IL1RAPL1: variants seen among roughly 807,000 people sequenced by gnomAD.
The protein encoded by IL1RAPL1 is interleukin 1 receptor accessory protein like 1.
IL1RAPL1 carries 3 observed loss-of-function variants against 48.4 expected under a neutral mutation model. The ratio of observed to expected loss-of-function variants is 0.06; its 90% CI spans 0.03 to 0.16. The LOEUF is 0.16. IL1RAPL1 is among the 10% of genes least tolerant of loss of function. IL1RAPL1 has a pLI of 1.00. For missense variants in IL1RAPL1, 349 were observed against 530.6 expected (o/e 0.66, Z 3.36); for synonymous variants, 185 against 187.7 (o/e 0.99, Z 0.12).
chrX:28,938,677 G>T (rs188896632), intron 2 of IL1RAPL1, among the ~76,000 whole-genome samples: 1 of 111,276 alleles, frequency 9.0e-6, no homozygotes. Flanking sequence ...ATTGAAAAAC[G>T]GTATCTAATT....
intron 3 of IL1RAPL1, among the ~76,000 whole-genome samples, chrX:29,384,390 C>T (rs1933748574): frequency 9.0e-6 from 1 of 111,440 alleles, no homozygotes; most frequent in African/African-American, 3.3e-5. Flanking sequence ...TGAGAAACTA[C>T]GTATGGGATA....
In IL1RAPL1 at chrX:28,672,789, A is replaced by T. The variant is rs143223912; in HGVS notation, c.-25+84742A>T. 4.5e-3 allele frequency among the ~76,000 whole-genome samples: 504 copies of T among 111,221 alleles called. 1 individual carries two copies. Among genetic ancestry groups the T allele is most frequent in the African/African-American group, 0.011 (339 of 30,601 alleles). The stretch of plus-strand genomic sequence containing the variant: ...ATTCTTGTGGGCTTTTGACTTTCTC[A>T]TTTCCAAGGTCTTCTTTTTTTAACC... On this transcript the variant is annotated intron_variant, in intron 1 of 10. Transcript: ENST00000378993.
At chrX:29,526,344 A>G (rs779383662) in intron 5 of IL1RAPL1, among the ~76,000 whole-genome samples, 29 of 111,864 alleles carry the variant, frequency 2.6e-4, no homozygotes, top group African/African-American at 9.1e-4. Flanking sequence ...ATCAATCACT[A>G]TATTAATAGA....
chrX:29,281,511 G>T (rs778922396), intron 2 of IL1RAPL1, among the ~76,000 whole-genome samples: 11 of 110,639 alleles, frequency 9.9e-5, no homozygotes, highest in Non-Finnish European at 1.9e-4. Flanking sequence ...CCCATCCTCC[G>T]CATTTCCCAC....
Position 28,868,695 on chromosome X carries a change from T to C in IL1RAPL1, c.82+79270T>C, listed in dbSNP as rs191816610. Reference sequence around the variant, plus strand: ...TTCTATATATTTTCTCTTGCATCAATTTTCCATTGCATATAATAATCTCTA... The same window carrying C: ...TTCTATATATTTTCTCTTGCATCAACTTTCCATTGCATATAATAATCTCTA... On this transcript the variant is annotated intron_variant, in intron 2 of 10. Coordinates refer to ENST00000378993, the MANE Select transcript of IL1RAPL1 (RefSeq NM_014271.4). Among the ~76,000 whole-genome samples the C allele has an allele frequency of 8.5e-4, 95 of 111,996 alleles. 2 individuals carry two copies. In the East Asian group the frequency reaches 0.018, roughly 21 times the overall value.
intron 2 of IL1RAPL1, among the ~76,000 whole-genome samples, chrX:29,034,961 TCTC>T (rs1264216670): frequency 7.2e-5 from 8 of 110,402 alleles, no homozygotes; most frequent in Non-Finnish European, 5.7e-5. Flanking sequence ...TTCACACCAT[TCTC>T]CTGCTTCAGC....
chrX:29,747,167 G>T (rs1280115280), intron 6 of IL1RAPL1, among the ~76,000 whole-genome samples: 1 of 111,623 alleles, frequency 9.0e-6, no homozygotes, highest in East Asian at 2.8e-4. Flanking sequence ...AGCTGTTTCA[G>T]AATTGAGAGG....
At chrX:29,519,562 C>T (rs1935481632) in intron 5 of IL1RAPL1, among the ~76,000 whole-genome samples, 1 of 111,899 alleles carries the variant, frequency 8.9e-6, no homozygotes, top group African/African-American at 3.2e-5. Flanking sequence ...TTTTTAACTT[C>T]CCTACTTGGC....
chrX:28,917,773 T>C (rs1482667883), intron 2 of IL1RAPL1, among the ~76,000 whole-genome samples: 1 of 112,525 alleles, frequency 8.9e-6, no homozygotes, highest in African/African-American at 3.2e-5. Flanking sequence ...ATACCATACG[T>C]AACATTTACT....
At chrX:29,291,260 G>T (rs1932366354) in intron 3 of IL1RAPL1, among the ~76,000 whole-genome samples, 1 of 111,239 alleles carries the variant, frequency 9.0e-6, no homozygotes, top group South Asian at 3.8e-4. Context: ...GGATAACATA[G>T]CTAAACCAAA....
At chrX:29,137,982 AG>A (rs1929165884) in intron 2 of IL1RAPL1, among the ~76,000 whole-genome samples, 1 of 112,853 alleles carries the variant, frequency 8.9e-6, no homozygotes, top group Admixed American at 9.4e-5. Context: ...GCAACTATAA[AG>A]TGTTATTTAT....
chrX:29,570,464 G>A (rs1297582632), intron 5 of IL1RAPL1, among the ~76,000 whole-genome samples: 2 of 112,488 alleles, frequency 1.8e-5, no homozygotes, highest in Non-Finnish European at 3.8e-5. Context: ...TTTCACTGGT[G>A]AGTCTACTAT....
intron 5 of IL1RAPL1, among the ~76,000 whole-genome samples, chrX:29,510,111 G>C (rs1404191250): frequency 8.9e-6 from 1 of 112,187 alleles, no homozygotes; most frequent in Admixed American, 9.4e-5. Flanking sequence ...TAATGGATGA[G>C]TGGCATAAAT....
At chrX:28,835,996 C>T (rs1291353140) in intron 2 of IL1RAPL1, among the ~76,000 whole-genome samples, 7 of 110,107 alleles carry the variant, frequency 6.4e-5, no homozygotes, top group Middle Eastern at 9.3e-3. Flanking sequence ...AGGGAGAAAC[C>T]ATTTGTGTTA....
chrX:29,888,713 C>T (rs959743573), intron 6 of IL1RAPL1, among the ~76,000 whole-genome samples: 6 of 109,417 alleles, frequency 5.5e-5, no homozygotes, highest in Admixed American at 5.2e-4. Context: ...AACAGTTTTT[C>T]ATAGGTCTTC....
intron 2 of IL1RAPL1, among the ~76,000 whole-genome samples, chrX:28,938,608 A>G (rs776564606): frequency 1.3e-4 from 15 of 111,537 alleles, no homozygotes; most frequent in Non-Finnish European, 2.6e-4. Context: ...GGACGTAGGA[A>G]TAGGCAAATA....
intron 6 of IL1RAPL1, among the ~76,000 whole-genome samples, chrX:29,755,827 A>T (rs935627287): frequency 4.5e-5 from 5 of 112,171 alleles, no homozygotes; most frequent in Non-Finnish European, 7.5e-5. Context: ...ACAGATTCGG[A>T]TGTCTCTATT....
chrX:29,518,831 C>CT (rs1363587698), intron 5 of IL1RAPL1, among the ~76,000 whole-genome samples: 1 of 112,030 alleles, frequency 8.9e-6, no homozygotes, highest in African/African-American at 3.2e-5. Context: ...AAAAATCACT[C>CT]TAACTGCTGT....
At chrX:28,993,150 C>T (rs2147383073) in intron 2 of IL1RAPL1, among the ~76,000 whole-genome samples, 1 of 111,863 alleles carries the variant, frequency 8.9e-6, no homozygotes, top group Non-Finnish European at 1.9e-5. Flanking sequence ...TTTCATTGTC[C>T]TATTTTTTGC....
Sources: gnomAD v4.1 joint callset for allele counts (sites outside exome capture counted in the v4.1 genomes callset) on GRCh38, gnomAD v4.1.1 for gene constraint, MANE v1.5 for transcripts, NCBI Gene and HGNC (gene_info 2026-07-23, HGNC 2026-07-21) for gene names.